DOCK2: variants seen among roughly 807,000 people sequenced by gnomAD.
DOCK2 encodes the protein dedicator of cytokinesis protein 2.
Under a neutral mutation model 248.9 loss-of-function variants are expected in DOCK2, and 87 were observed. The ratio of observed to expected loss-of-function variants is 0.35; its 90% CI spans 0.29 to 0.42. The LOEUF (loss-of-function observed/expected upper bound fraction) is 0.42, where lower values mean the gene tolerates loss of function less well. Ranked by LOEUF, DOCK2 falls within the 10% of genes least tolerant of loss-of-function variation. The probability of loss-of-function intolerance (pLI) is 1.00; values close to 1 mark genes in which losing one functional copy is unlikely to be tolerated. For synonymous variants in DOCK2, 805 were observed against 821.6 expected (o/e 0.98, Z 0.35); for missense variants, 1,747 against 2,300.2 (o/e 0.76, Z 4.92).
intron 22 of DOCK2, among the ~76,000 whole-genome samples, chr5:169,740,041 T>G (rs1044984224): frequency 2.0e-5 from 3 of 152,274 alleles, no homozygotes; most frequent in Non-Finnish European, 2.9e-5. Flanking sequence ...GAAATTTACT[T>G]AAGTGCAGAA....
At chr5:169,704,692 C>A (rs188327658) in intron 14 of DOCK2, among the ~76,000 whole-genome samples, 1 of 151,862 alleles carries the variant, frequency 6.6e-6, no homozygotes, top group African/African-American at 2.4e-5. Context: ...CATGGATCCC[C>A]ATCTTCCATG....
chr5:170,047,858 C>A (rs921630497), intron 40 of DOCK2, among the ~76,000 whole-genome samples: 1 of 152,144 alleles, frequency 6.6e-6, no homozygotes, highest in East Asian at 1.9e-4. Flanking sequence ...GTGAGTTCCC[C>A]GTCACTGGAA....
At chr5:169,977,806 T>A (rs1434186376) in intron 27 of DOCK2, among the ~76,000 whole-genome samples, 2 of 152,206 alleles carry the variant, frequency 1.3e-5, no homozygotes, top group East Asian at 1.9e-4. Context: ...AACTGCCTGA[T>A]AAAGCTCTAA....
In DOCK2 at chr5:169,764,323, C is replaced by A. The variant is rs1242237667; in HGVS notation, c.2554+2698C>A. On this transcript the variant is annotated intron_variant, in intron 25 of 51. Coordinates refer to ENST00000520908, the MANE Select transcript of DOCK2 (RefSeq NM_004946.3). This position sits in a 1 kb window ranked among gnomAD's most constrained non-coding sequence, Gnocchi z 4.3. ...TTTTAAGCACTTTCTGGGATTTTGG[C>A]AGACTACCCTATTGGCCTGTCATCA... Among the ~76,000 whole-genome samples, 1 of 152,156 alleles carries A rather than the reference C, an allele frequency of 6.6e-6. No homozygotes were observed. Among genetic ancestry groups the A allele is most frequent in the African/African-American group, 2.4e-5 (1 of 41,442 alleles).
chr5:169,915,018 C>A (rs555984744), intron 27 of DOCK2, among the ~76,000 whole-genome samples: 1 of 152,378 alleles, frequency 6.6e-6, no homozygotes, highest in South Asian at 2.1e-4. Flanking sequence ...AAGGCAAACT[C>A]ACAGCACAGT....
chr5:169,931,812 A>G (rs955120823), intron 27 of DOCK2, among the ~76,000 whole-genome samples: 1 of 152,236 alleles, frequency 6.6e-6, no homozygotes, highest in Non-Finnish European at 1.5e-5. Flanking sequence ...AGCCCCAGAA[A>G]TAACAGGAAT....
intron 27 of DOCK2, among the ~76,000 whole-genome samples, chr5:169,932,118 G>A (rs1042872061): frequency 3.9e-5 from 6 of 152,182 alleles, no homozygotes; most frequent in Non-Finnish European, 7.3e-5. Context: ...GCTATATAGT[G>A]AGATAAAGTG....
chr5:169,926,012 T>C (rs1200847229), intron 27 of DOCK2, among the ~76,000 whole-genome samples: 1 of 152,134 alleles, frequency 6.6e-6, no homozygotes, highest in Admixed American at 6.6e-5. Flanking sequence ...CCTCATTCCA[T>C]GGCAGGATGT....
intron 38 of DOCK2, among the ~76,000 whole-genome samples, chr5:170,042,704 G>C (rs1406984035): frequency 6.6e-6 from 1 of 152,184 alleles, no homozygotes; most frequent in Non-Finnish European, 1.5e-5. Flanking sequence ...TGCTAGGGAG[G>C]CCTTCCCTGA....
rs10626609 is a variant in DOCK2 at position 169,993,549 on chromosome 5, TTG to T, written c.2994-2511_2994-2510del. On this transcript the variant is annotated intron_variant, in intron 29 of 51. Coordinates refer to ENST00000520908, the MANE Select transcript of DOCK2 (RefSeq NM_004946.3). ...TAACAAAGCCAGAAATCACATCCAT[TTG>T]TGTGTGTGTGTGTGTGTGTGTGTGT... Among the ~76,000 whole-genome samples the T allele has an allele frequency of 1.1e-3, 158 of 149,428 alleles. 1 individual carries two copies. Among genetic ancestry groups the T allele is most frequent in the African/African-American group, 2.8e-3 (114 of 40,568 alleles).
At chr5:169,855,119 C>T (rs1199241277) in intron 27 of DOCK2, among the ~76,000 whole-genome samples, 1 of 152,226 alleles carries the variant, frequency 6.6e-6, no homozygotes, top group Non-Finnish European at 1.5e-5. Flanking sequence ...CCTAAGCCTC[C>T]ATTTGCTCTT....
At chr5:169,667,477 C>A (rs1561582024) in intron 2 of DOCK2, among the ~76,000 whole-genome samples, 1 of 152,204 alleles carries the variant, frequency 6.6e-6, no homozygotes, top group Non-Finnish European at 1.5e-5. Context: ...TAGCATACAG[C>A]TTTGCATGTT....
At chr5:169,918,939 T>C (rs1020348920) in intron 27 of DOCK2, among the ~76,000 whole-genome samples, 36 of 151,964 alleles carry the variant, frequency 2.4e-4, no homozygotes, top group African/African-American at 8.0e-4. Flanking sequence ...TAAAAGATAT[T>C]TTAGGGGCCA....
chr5:169,714,530 A>G (rs1761793797), intron 19 of DOCK2, 73 bp downstream of exon 19: 1 of 1,532,494 alleles, frequency 6.5e-7, no homozygotes, highest in African/African-American at 1.4e-5. Flanking sequence ...CTTCAGGGGA[A>G]AAACAAGGTA....
chr5:169,864,506 C>T, intron 27 of DOCK2: 2 of 1,363,008 alleles, frequency 1.5e-6, no homozygotes, highest in African/African-American at 1.5e-5. Context: ...CGAATCAGCA[C>T]AGACTGATTA....
intron 5 of DOCK2, among the ~76,000 whole-genome samples, chr5:169,671,932 T>C (rs1260156665): frequency 6.6e-6 from 1 of 152,226 alleles, no homozygotes; most frequent in African/African-American, 2.4e-5. Flanking sequence ...TAGAAAAGTG[T>C]AGGGGAAAAA....
intron 22 of DOCK2, among the ~76,000 whole-genome samples, chr5:169,723,527 T>C (rs1365849038): frequency 6.6e-6 from 1 of 152,072 alleles, no homozygotes; most frequent in Admixed American, 6.6e-5. Context: ...TCAGCAGTCT[T>C]CACAAAAATT....
intron 46 of DOCK2, among the ~76,000 whole-genome samples, chr5:170,070,656 G>T (rs530902594): frequency 6.6e-6 from 1 of 152,264 alleles, no homozygotes; most frequent in African/African-American, 2.4e-5. Flanking sequence ...CTCAGATATT[G>T]CTGGGAGGCC....
At chr5:169,935,820 C>T (rs13153416) in intron 27 of DOCK2, among the ~76,000 whole-genome samples, 1 of 152,098 alleles carries the variant, frequency 6.6e-6, no homozygotes. Context: ...TCTGGTAGAA[C>T]GAGACATTAT....
Sources: allele counts gnomAD v4.1 joint callset (sites outside exome capture counted in the v4.1 genomes callset), GRCh38; gene constraint gnomAD v4.1.1; non-coding constraint Gnocchi (gnomAD v3.1); transcripts MANE v1.5; gene names NCBI Gene and HGNC (gene_info 2026-07-23, HGNC 2026-07-21).